Variants in SDHD observed in about 807,000 individuals in gnomAD.
SDHD encodes succinate dehydrogenase complex subunit D, also known as succinate dehydrogenase [ubiquinone] cytochrome b small subunit, mitochondrial.
A neutral mutation model predicts 18.7 loss-of-function variants in SDHD; 6 were observed. The observed-to-expected ratio is 0.32, with a 90% confidence interval of 0.18 to 0.63. SDHD has a LOEUF of 0.63. Among genes scored for constraint, SDHD ranks in the 30% least tolerant of loss-of-function variants. The pLI, the probability that SDHD is intolerant of heterozygous loss-of-function variation, is 0.79. For missense variants in SDHD, 160 were observed against 192.7 expected (o/e 0.83, Z 1.00); for synonymous variants, 56 against 73.9 (o/e 0.76, Z 1.24).
chr11:112,090,884 CGG>C (rs1865733858), intron 3 of SDHD, among the ~76,000 whole-genome samples: 1 of 151,978 alleles, frequency 6.6e-6, no homozygotes, highest in East Asian at 1.9e-4. Flanking sequence ...TAAATCGAGA[CGG>C]GGTTTCACCA....
chr11:112,087,758 C>T (rs970791006), intron 1 of SDHD, 99 bp from the exon 2 acceptor site: 5 of 799,914 alleles, frequency 6.3e-6, no homozygotes, highest in African/African-American at 1.7e-5. Flanking sequence ...ATGTTATCCC[C>T]TATTTATTGT....
intron 3 of SDHD, among the ~76,000 whole-genome samples, chr11:112,089,572 G>T (rs1301136778): frequency 1.3e-5 from 2 of 152,046 alleles, no homozygotes; most frequent in Non-Finnish European, 2.9e-5. Flanking sequence ...CTCATTTTTA[G>T]CTGCTCTCTC....
Position 112,095,234 on chromosome 11 carries a change from T to A in SDHD, c.*264T>A, listed in dbSNP as rs201097338. ...CTTCTTATAAGACTCACAGTATAAC[T>A]AAACATGATATATCAGCTTTTGCCT... On this transcript the variant is annotated 3_prime_UTR_variant, in exon 4 of 4. Transcript: ENST00000375549. 3 of 490,956 alleles carry A rather than the reference T, an allele frequency of 6.1e-6. No individual in the cohort carries two copies. The allele number at this position is 490,956 out of a possible 1,614,324, so 30.4% of individuals were successfully genotyped here. A position where few individuals can be genotyped will look rare whatever the true frequency, so the allele number is the denominator to read the frequency against.
Position 112,087,887 on chromosome 11 carries a change from C to T in SDHD, c.83C>T (p.Pro28Leu). Residue 28 changes from proline to leucine, a missense_variant, in exon 2 of 4, where the codon CCT becomes CTT. Pro to Leu is a moderately conservative substitution (Grantham distance 98). Transcript: ENST00000375549. ...TTGCTTCGAACTCCAGTGGTCAGACCTGCTCATATCTCAGCATTTCTTCAG... is the reference window on the plus strand; with the variant it reads ...TTGCTTCGAACTCCAGTGGTCAGACTTGCTCATATCTCAGCATTTCTTCAG... ...ALLLRTPVVR[P>L]AHISAFLQDR... is the part of the protein sequence containing the mutation. 4 of 1,613,712 alleles carry T rather than the reference C, an allele frequency of 2.5e-6. No individual in the cohort carries two copies. The highest frequency in any genetic ancestry group is 3.4e-6 in the Non-Finnish European group (4 of 1,179,656).
intron 3 of SDHD, among the ~76,000 whole-genome samples, chr11:112,093,891 G>T (rs546833279): frequency 6.6e-6 from 1 of 152,078 alleles, no homozygotes; most frequent in African/African-American, 2.4e-5. Flanking sequence ...TCATTCACTA[G>T]TATATTCCAT....
intron 2 of SDHD, 144 bp from the exon 3 acceptor site, chr11:112,088,723 A>C: frequency 1.1e-6 from 1 of 916,068 alleles, no homozygotes; most frequent in Admixed American, 1.9e-5. Flanking sequence ...CTCAACTACT[A>C]TTTTGATATT....
intron 3 of SDHD, among the ~76,000 whole-genome samples, chr11:112,090,437 A>G (rs1453727938): frequency 6.6e-6 from 1 of 151,968 alleles, no homozygotes; most frequent in Admixed American, 6.6e-5. Flanking sequence ...TATCTGGTAT[A>G]GTTTGTATGA....
Position 112,088,618 on chromosome 11 carries a change from C to A in SDHD, c.170-249C>A, listed in dbSNP as rs185296340. 949 of 556,398 alleles carry A rather than the reference C, an allele frequency of 1.7e-3. 9 individuals carry two copies. The highest frequency in any genetic ancestry group is 0.015 in the African/African-American group (808 of 53,038). 34.5% of individuals were successfully genotyped at this position (556,398 alleles called of 1,614,324 possible). On this transcript the variant is annotated intron_variant, in intron 2 of 3. Coordinates refer to ENST00000375549, the MANE Select transcript of SDHD (RefSeq NM_003002.4). ...CTGTTTTTTATCCATCTTCTTGGAT[C>A]TGTCTTCTAATCAATATGTAGGCAT...
chr11:112,089,844 A>G (rs1433718863), intron 3 of SDHD, among the ~76,000 whole-genome samples: 5 of 152,012 alleles, frequency 3.3e-5, no homozygotes, highest in Non-Finnish European at 5.9e-5. Flanking sequence ...GCCTTCTAAT[A>G]TACTACATCA....
rs1247902289 is a variant in SDHD at position 112,095,093 on chromosome 11, T to A, written c.*123T>A. On this transcript the variant is annotated 3_prime_UTR_variant, in exon 4 of 4. Transcript: ENST00000375549. ...TCCATTGGTGGACAGCCTTCTTCTC[T>A]TAATCACAAGATTATTTTCAGAATT... 1 of 769,686 alleles carries A rather than the reference T, an allele frequency of 1.3e-6. No homozygotes were observed. Among genetic ancestry groups the A allele is most frequent in the African/African-American group, 1.7e-5 (1 of 58,210 alleles). 47.7% of individuals were successfully genotyped at this position (769,686 alleles called of 1,614,324 possible).
At chr11:112,088,028 T>TA (rs1865658573) in intron 2 of SDHD, 55 bp downstream of exon 2, 1 of 1,215,972 alleles carries the variant, frequency 8.2e-7, no homozygotes, top group African/African-American at 1.5e-5. Flanking sequence ...TTACCTTCAC[T>TA]AATGGTCATG....
chr11:112,087,098 T>C, intron 1 of SDHD, 139 bp downstream of exon 1: 2 of 922,498 alleles, frequency 2.2e-6, no homozygotes, highest in South Asian at 1.4e-5. Flanking sequence ...CACTGTAGTC[T>C]AGGGGTCCAG....
At position 112,086,900 on chromosome 11, in the gene SDHD, G is replaced by A. The variant is rs375890857; in HGVS notation, c.-8G>A. ...GTTGGTGGATGACCTTGAGCCCTCA[G>A]GAACGAGATGGCGGTTCTCTGGAGG... On this transcript the variant is annotated 5_prime_UTR_variant, in exon 1 of 4. Coordinates refer to ENST00000375549, the MANE Select transcript of SDHD (RefSeq NM_003002.4). The A allele has an allele frequency of 5.0e-6, 8 of 1,614,124 alleles. No homozygotes were observed. The highest frequency in any genetic ancestry group is 1.1e-5 in the South Asian group (1 of 91,092).
At chr11:112,093,138 C>G in intron 3 of SDHD, 1 of 384,728 alleles carries the variant, frequency 2.6e-6, no homozygotes, top group Non-Finnish European at 5.2e-6. Context: ...ACGATCTCAG[C>G]TTACTGCAAC....
intron 3 of SDHD, among the ~76,000 whole-genome samples, chr11:112,092,287 A>G (rs1865759969): frequency 6.6e-6 from 1 of 150,942 alleles, no homozygotes. Flanking sequence ...ACATTATTAG[A>G]AAAAAAAATA....
At chr11:112,087,325 G>A (rs1294000572) in intron 1 of SDHD, among the ~76,000 whole-genome samples, 6 of 152,192 alleles carry the variant, frequency 3.9e-5, no homozygotes, top group African/African-American at 1.4e-4. Context: ...TGGAGTTGGT[G>A]TGTTTGGATG....
chr11:112,087,920 C>T lies in SDHD; in HGVS notation c.116C>T (p.Pro39Leu), dbSNP rs752689382. ...ATCTCAGCATTTCTTCAGGACCGAC[C>T]TATCCCAGAATGGTGTGGAGTGCAG... is the stretch of plus-strand genomic sequence containing the variant. ...AHISAFLQDR[P>L]IPEWCGVQHI... Residue 39 changes from proline (P) to leucine (L), a missense_variant, in exon 2 of 4, where the codon CCT becomes CTT. Physicochemically the swap from Pro to Leu is moderately conservative, Grantham distance 98. Coordinates refer to ENST00000375549, the MANE Select transcript of SDHD (RefSeq NM_003002.4). The T allele has an allele frequency of 6.2e-6, 10 of 1,613,898 alleles. No homozygotes were observed. Among genetic ancestry groups the T allele is most frequent in the African/African-American group, 1.3e-5 (1 of 74,926 alleles).
At position 112,087,972 on chromosome 11, in the gene SDHD, T is replaced by A. The variant is rs1865657093; in HGVS notation, c.168T>A (p.His56Gln). 6.3e-7 allele frequency: 1 copy of A among 1,590,186 alleles called. No homozygotes were observed. Among genetic ancestry groups the A allele is most frequent in the Non-Finnish European group, 8.6e-7 (1 of 1,158,076 alleles). Residue 56 changes from histidine (H) to glutamine (Q), a missense_variant and splice_region_variant, in exon 2 of 4, where the codon CAT becomes CAA. By Grantham distance (24) the His-to-Gln change is conservative. Coordinates refer to ENST00000375549, the MANE Select transcript of SDHD (RefSeq NM_003002.4). Reference protein sequence around the residue: ...VQHIHLSPSHHSGSKAASLHW... With the variant: ...VQHIHLSPSHQSGSKAASLHW... ...ACATACACTTGTCACCGAGCCACCA[T>A]TGTATGTTCTCTCCATCGCTGCTGC...
At position 112,094,825 on chromosome 11, in the gene SDHD, C is replaced by T. The variant is rs199869408; in HGVS notation, c.335C>T (p.Thr112Ile). The change falls in exon 4 of 4, where the codon ACT becomes ATT. Residue 112 changes from threonine (T) to isoleucine (I), a missense_variant. Thr to Ile is a moderately conservative substitution (Grantham distance 89, BLOSUM62 -1). Coordinates refer to ENST00000375549, the MANE Select transcript of SDHD (RefSeq NM_003002.4). Reference protein sequence around the residue: ...HGHWGLGQVVTDYVHGDALQK... With the variant: ...HGHWGLGQVVIDYVHGDALQK... The stretch of plus-strand genomic sequence containing the variant: ...TTTAGGGGCCTTGGACAAGTTGTTA[C>T]TGACTATGTTCATGGGGATGCCTTG... The T allele has an allele frequency of 1.3e-5, 21 of 1,611,430 alleles. No homozygotes were observed. The highest frequency in any genetic ancestry group is 2.2e-4 in the Middle Eastern group (1 of 4,452).
Sources: gnomAD v4.1 joint callset for allele counts (sites outside exome capture counted in the v4.1 genomes callset) on GRCh38, gnomAD v4.1.1 for gene constraint, MANE v1.5 for transcripts, NCBI Gene and HGNC (gene_info 2026-07-23, HGNC 2026-07-21) for gene names.